Variants in FARS2 observed in about 807,000 individuals in gnomAD.
FARS2 encodes phenylalanine--tRNA ligase, mitochondrial.
Under a neutral mutation model 46.4 loss-of-function variants are expected in FARS2, and 40 were observed. That is an observed-to-expected ratio of 0.86 (90% CI 0.67 to 1.12). The LOEUF (loss-of-function observed/expected upper bound fraction) is 1.12, where lower values mean the gene tolerates loss of function less well. Among genes scored for constraint, FARS2 ranks in the 50% most tolerant of loss-of-function variants. The pLI is 0.00. For synonymous variants in FARS2, 234 were observed against 214.9 expected, an observed-to-expected ratio of 1.09 and a Z score of -0.78; for missense variants, 513 against 567.9, an observed-to-expected ratio of 0.90 and a Z score of 0.98.
chr6:5,521,058 CT>C (rs1006668885), intron 4 of FARS2, among the ~76,000 whole-genome samples: 3 of 152,092 alleles, frequency 2.0e-5, no homozygotes, highest in Non-Finnish European at 4.4e-5. Flanking sequence ...TTCTTAGAAG[CT>C]TTTTTGCACA....
chr6:5,390,526 G>A (rs958591587), intron 2 of FARS2, among the ~76,000 whole-genome samples: 1 of 152,076 alleles, frequency 6.6e-6, no homozygotes, highest in African/African-American at 2.4e-5. Context: ...TTTATAAACC[G>A]AACAACAGTA....
chr6:5,746,965 A>G (rs59815503), intron 6 of FARS2, among the ~76,000 whole-genome samples: 27,578 of 152,166 alleles, frequency 0.18, 3,270 homozygotes, highest in African/African-American at 0.34. Flanking sequence ...GGGACAGTCA[A>G]GGAAGGCTTT....
At chr6:5,447,823 G>A (rs1268996831) in intron 4 of FARS2, among the ~76,000 whole-genome samples, 1 of 152,212 alleles carries the variant, frequency 6.6e-6, no homozygotes, top group African/African-American at 2.4e-5. Flanking sequence ...CTGCCCTTAA[G>A]GATTGAATGG....
chr6:5,596,145 G>C (rs2150618705), intron 5 of FARS2, among the ~76,000 whole-genome samples: 1 of 152,290 alleles, frequency 6.6e-6, no homozygotes, highest in Non-Finnish European at 1.5e-5. Flanking sequence ...CTAAGAGATA[G>C]GAGAGGTGCC....
chr6:5,738,635 A>G (rs1401571823), intron 6 of FARS2, among the ~76,000 whole-genome samples: 3 of 152,218 alleles, frequency 2.0e-5, no homozygotes, highest in Non-Finnish European at 4.4e-5. Context: ...AGTTTTTTTA[A>G]TCATTATTTC....
chr6:5,465,279 T>A (rs1765450858), intron 4 of FARS2, among the ~76,000 whole-genome samples: 1 of 152,238 alleles, frequency 6.6e-6, no homozygotes, highest in Non-Finnish European at 1.5e-5. Context: ...AGCAACTGTC[T>A]GTTAAGCCTA....
At chr6:5,392,968 G>T (rs2432790) in intron 2 of FARS2, among the ~76,000 whole-genome samples, 16,729 of 127,014 alleles carry the variant, frequency 0.13, 2,276 homozygotes, top group African/African-American at 0.36. Context: ...AAAATATATT[G>T]ATTTTAAATA....
chr6:5,422,696 A>C (rs1182270883), intron 3 of FARS2, among the ~76,000 whole-genome samples: 3 of 152,248 alleles, frequency 2.0e-5, no homozygotes, highest in African/African-American at 4.8e-5. Flanking sequence ...GCATGAAGTG[A>C]GAGCAGGCAT....
chr6:5,702,251 CCT>C (rs777781260), intron 6 of FARS2, among the ~76,000 whole-genome samples: 4 of 152,092 alleles, frequency 2.6e-5, no homozygotes, highest in Admixed American at 6.5e-5. Context: ...TATTTTTCTC[CCT>C]GTTAGACATT....
chr6:5,610,032 C>A, intron 5 of FARS2: 1 of 958,370 alleles, frequency 1.0e-6, no homozygotes, highest in Non-Finnish European at 1.7e-6. Flanking sequence ...AAACCCAAAG[C>A]CCCTGGAGCA....
intron 1 of FARS2, among the ~76,000 whole-genome samples, chr6:5,323,671 G>C (rs1561957626): frequency 6.6e-6 from 1 of 152,214 alleles, no homozygotes; most frequent in South Asian, 2.1e-4. Context: ...ACTCATTCCT[G>C]CTGGGCCTGA....
chr6:5,449,408 A>G (rs1203481239), intron 4 of FARS2, among the ~76,000 whole-genome samples: 1 of 151,338 alleles, frequency 6.6e-6, no homozygotes, highest in Non-Finnish European at 1.5e-5. Context: ...AAGATTTTTT[A>G]TATATGTGTA....
intron 1 of FARS2, among the ~76,000 whole-genome samples, chr6:5,308,139 G>C (rs1490584340): frequency 1.3e-5 from 2 of 149,684 alleles, no homozygotes; most frequent in African/African-American, 5.0e-5. Context: ...CTTTTTTTTT[G>C]AGAGAATGCC....
intron 1 of FARS2, among the ~76,000 whole-genome samples, chr6:5,321,359 G>A (rs1425672634): frequency 6.6e-6 from 1 of 152,198 alleles, no homozygotes. Flanking sequence ...TGTAGACGTA[G>A]CCTTTAAGGT....
At chr6:5,349,776 T>G (rs1290187128) in intron 1 of FARS2, among the ~76,000 whole-genome samples, 1 of 152,226 alleles carries the variant, frequency 6.6e-6, no homozygotes, top group Non-Finnish European at 1.5e-5. Context: ...TCTCCTTGTT[T>G]CTGGTGACTT....
chr6:5,724,537 C>T (rs772228587), intron 6 of FARS2, among the ~76,000 whole-genome samples: 4 of 152,190 alleles, frequency 2.6e-5, no homozygotes, highest in Non-Finnish European at 5.9e-5. Context: ...GAAACCACCA[C>T]TAGTTGAGAA....
chr6:5,521,922 A>G (rs890327565), intron 4 of FARS2, among the ~76,000 whole-genome samples: 1 of 152,176 alleles, frequency 6.6e-6, no homozygotes, highest in African/African-American at 2.4e-5. Context: ...ATAATTAGTG[A>G]GCAAAATTAT....
At chr6:5,433,697 A>G (rs1414932485) in intron 4 of FARS2, among the ~76,000 whole-genome samples, 6 of 152,210 alleles carry the variant, frequency 3.9e-5, no homozygotes, top group Non-Finnish European at 7.3e-5. Context: ...CTCTGTGATG[A>G]TTTGATAGTT....
At chr6:5,517,149 G>C (rs1300326493) in intron 4 of FARS2, among the ~76,000 whole-genome samples, 1 of 152,112 alleles carries the variant, frequency 6.6e-6, no homozygotes, top group Non-Finnish European at 1.5e-5. Context: ...AGAATGATAT[G>C]AGTAAGTTTG....
Sources: allele counts gnomAD v4.1 joint callset (sites outside exome capture counted in the v4.1 genomes callset), GRCh38; gene constraint gnomAD v4.1.1; transcripts MANE v1.5; gene names NCBI Gene and HGNC (gene_info 2026-07-23, HGNC 2026-07-21).